The following SPAG16 variants were observed in gnomAD, a reference collection of about 807,000 sequenced individuals.
SPAG16 encodes sperm associated antigen 16.
In SPAG16, 86 loss-of-function variants were observed where a neutral mutation model predicts 80.4. The observed-to-expected ratio is 1.07, with a 90% CI of 0.90 to 1.28. The LOEUF (loss-of-function observed/expected upper bound fraction) is 1.28. Ranked by LOEUF, SPAG16 falls within the 50% of genes most tolerant of loss-of-function variation. The pLI is 0.00. For synonymous variants in SPAG16, 294 were observed against 265.9 expected (o/e 1.11, Z -1.03); for missense variants, 870 against 765.3 (o/e 1.14, Z -1.61).
At chr2:213,684,483 T>A (rs182097942) in intron 10 of SPAG16, among the ~76,000 whole-genome samples, 6 of 152,332 alleles carry the variant, frequency 3.9e-5, no homozygotes, top group Admixed American at 3.9e-4. Flanking sequence ...ACACTTCACT[T>A]TTCTAATGTT....
At chr2:213,746,432 T>C (rs577081385) in intron 10 of SPAG16, among the ~76,000 whole-genome samples, 2 of 152,336 alleles carry the variant, frequency 1.3e-5, no homozygotes, top group African/African-American at 4.8e-5. Context: ...GTAGCCGTTA[T>C]GATGTGTTAG....
rs572232804 is a variant in SPAG16, at chr2:213,931,082, G to C, written c.1400+937G>C. Among the ~76,000 whole-genome samples the C allele has an allele frequency of 4.5e-5, 5 of 112,030 alleles. No individual in the cohort carries two copies. The East Asian group carries it at 1.2e-3, about 27-fold the overall frequency. 73.5% of individuals were successfully genotyped at this position (112,030 alleles called of 152,430 possible). ...TCTTTCTTGAAGTTGTTATCTCCAT[G>C]ATATTTTAATGTTCTTTTCCCTTTT... is the stretch of plus-strand genomic sequence containing the variant. On this transcript the variant is annotated intron_variant, in intron 12 of 15. Coordinates refer to ENST00000331683, the MANE Select transcript of SPAG16 (RefSeq NM_024532.5).
intron 11 of SPAG16, among the ~76,000 whole-genome samples, chr2:213,906,233 A>G (rs539711176): frequency 6.6e-6 from 1 of 152,184 alleles, no homozygotes; most frequent in African/African-American, 2.4e-5. Context: ...CCAGCTGGAA[A>G]AGAAATCACG....
chr2:214,121,163 C>T (rs774271614), intron 14 of SPAG16, among the ~76,000 whole-genome samples: 5 of 151,640 alleles, frequency 3.3e-5, no homozygotes, highest in Non-Finnish European at 5.9e-5. Context: ...CCAATATCTC[C>T]ACTATGTAGC....
chr2:213,610,396 A>C (rs1447694166), intron 10 of SPAG16, among the ~76,000 whole-genome samples: 1 of 152,176 alleles, frequency 6.6e-6, no homozygotes, highest in Non-Finnish European at 1.5e-5. Flanking sequence ...ATCTGAAAGA[A>C]ACACTTACCA....
chr2:213,807,852 C>A lies in SPAG16; in HGVS notation c.1071-54633C>A, dbSNP rs1174734505. On this transcript the variant is annotated intron_variant, in intron 10 of 15. Coordinates refer to ENST00000331683, the MANE Select transcript of SPAG16 (RefSeq NM_024532.5). ...CATAAAGTTCTTTGCAGTGAAGATTCTTGGTTTACACTGGTTGTTTTATAC... is the reference window on the plus strand; with the variant it reads ...CATAAAGTTCTTTGCAGTGAAGATTATTGGTTTACACTGGTTGTTTTATAC... 2.6e-5 allele frequency among the ~76,000 whole-genome samples: 4 copies of A among 152,246 alleles called. No individual in the cohort carries two copies. In the East Asian group the frequency reaches 7.7e-4, roughly 29 times the overall value.
intron 13 of SPAG16, among the ~76,000 whole-genome samples, chr2:214,057,590 G>A (rs1180187860): frequency 6.6e-6 from 1 of 152,054 alleles, no homozygotes; most frequent in Non-Finnish European, 1.5e-5. Flanking sequence ...AATGAGCATT[G>A]GCTTCAACTT....
intron 5 of SPAG16, among the ~76,000 whole-genome samples, chr2:213,331,482 T>C (rs2064105517): frequency 6.6e-6 from 1 of 152,174 alleles, no homozygotes; most frequent in Admixed American, 6.5e-5. Context: ...GAGATCGCAA[T>C]ACAGTAATAG....
chr2:213,696,049 A>G (rs1396785465), intron 10 of SPAG16, among the ~76,000 whole-genome samples: 1 of 152,172 alleles, frequency 6.6e-6, no homozygotes, highest in African/African-American at 2.4e-5. Context: ...TACTAGGGAA[A>G]GAGAATGGTT....
chr2:213,801,677 T>G (rs1187812435), intron 10 of SPAG16, among the ~76,000 whole-genome samples: 1 of 152,120 alleles, frequency 6.6e-6, no homozygotes, highest in Non-Finnish European at 1.5e-5. Flanking sequence ...TGAAGCACAA[T>G]GGTAGGAACA....
intron 12 of SPAG16, among the ~76,000 whole-genome samples, chr2:214,002,587 A>G (rs1460716791): frequency 6.6e-6 from 1 of 152,178 alleles, no homozygotes; most frequent in Non-Finnish European, 1.5e-5. Context: ...TGCTGTCTGC[A>G]AGCTGGAGGC....
intron 11 of SPAG16, among the ~76,000 whole-genome samples, chr2:213,914,073 GTAAAACTGACGCA>G (rs984029557): frequency 6.6e-6 from 1 of 152,046 alleles, no homozygotes; most frequent in Non-Finnish European, 1.5e-5. Flanking sequence ...GCATAGCTTA[GTAAAACTGACGCA>G]TAAAATTAGC....
intron 13 of SPAG16, among the ~76,000 whole-genome samples, chr2:214,033,332 G>T (rs1190634937): frequency 3.3e-5 from 5 of 152,134 alleles, no homozygotes; most frequent in African/African-American, 4.8e-5. Context: ...ATATAAACAT[G>T]TTATTTCAGT....
intron 15 of SPAG16, among the ~76,000 whole-genome samples, chr2:214,265,858 T>C (rs1544735): frequency 0.97 from 148,209 of 152,030 alleles, 72,366 homozygotes; most frequent in East Asian, 1. Context: ...TTCCTAATCA[T>C]CCTAGCTAAA....
intron 10 of SPAG16, among the ~76,000 whole-genome samples, chr2:213,758,753 C>A (rs1168206295): frequency 6.6e-6 from 1 of 152,062 alleles, no homozygotes. Context: ...CTTGAAGAAA[C>A]AACGGATAGA....
intron 9 of SPAG16, among the ~76,000 whole-genome samples, chr2:213,395,866 T>A (rs1263815931): frequency 6.6e-6 from 1 of 152,232 alleles, no homozygotes; most frequent in Non-Finnish European, 1.5e-5. Context: ...TCCTTGAAAT[T>A]GATTTTTCAT....
rs774255761 is a variant in SPAG16 at position 214,146,906 on chromosome 2, G to A, written c.1594-2234G>A. Among the ~76,000 whole-genome samples the A allele has an allele frequency of 2.7e-4, 41 of 151,952 alleles. 1 individual carries two copies. The highest frequency in any genetic ancestry group is 1.7e-3 in the Admixed American group (26 of 15,252). ...AGTCCCAGCTACTCACGAGGCTGAG[G>A]CAGGAGAATGGCGTTAACCCGGGAG... On this transcript the variant is annotated intron_variant, in intron 14 of 15. Coordinates refer to ENST00000331683, the MANE Select transcript of SPAG16 (RefSeq NM_024532.5).
chr2:214,075,360 ATAAT>A (rs1434357348), intron 13 of SPAG16, among the ~76,000 whole-genome samples: 11 of 152,218 alleles, frequency 7.2e-5, no homozygotes, highest in African/African-American at 2.4e-4. Flanking sequence ...ACAATAGTAC[ATAAT>A]TAATACCATT....
intron 15 of SPAG16, among the ~76,000 whole-genome samples, chr2:214,288,213 C>G (rs1467469700): frequency 6.6e-6 from 1 of 152,110 alleles, no homozygotes; most frequent in African/African-American, 2.4e-5. Context: ...CTTAATGTAA[C>G]AACTTCCAGT....
Sources: allele counts gnomAD v4.1 joint callset (sites outside exome capture counted in the v4.1 genomes callset), GRCh38; gene constraint gnomAD v4.1.1; transcripts MANE v1.5; gene names NCBI Gene and HGNC (gene_info 2026-07-23, HGNC 2026-07-21).